The following SSBP2 variants were observed in gnomAD, a reference collection of about 807,000 sequenced individuals.
The protein encoded by SSBP2 is single stranded DNA binding protein 2.
A neutral mutation model predicts 61.8 loss-of-function variants in SSBP2; 17 were observed. The observed-to-expected ratio is 0.28, with a 90% CI of 0.19 to 0.41. The LOEUF (loss-of-function observed/expected upper bound fraction) is 0.41. Ranked by LOEUF, SSBP2 falls within the 10% of genes least tolerant of loss-of-function variation. The pLI is 1.00. For missense variants in SSBP2, 310 were observed against 458.7 expected (o/e 0.68, Z 2.96); for synonymous variants, 139 against 141.3 (o/e 0.98, Z 0.12).
At chr5:81,710,594 T>G (rs1253162864) in intron 1 of SSBP2, 2 of 423,808 alleles carry the variant, frequency 4.7e-6, no homozygotes, top group Admixed American at 2.7e-5. Context: ...GGACTTCAAC[T>G]GAAAACAACT....
chr5:81,464,207 AG>A (rs1561431553), intron 9 of SSBP2, among the ~76,000 whole-genome samples: 1 of 152,210 alleles, frequency 6.6e-6, no homozygotes, highest in Admixed American at 6.5e-5. Flanking sequence ...ATTGCTTAAT[AG>A]TAATGTATAC....
intron 1 of SSBP2, among the ~76,000 whole-genome samples, chr5:81,741,654 T>C (rs1383341532): frequency 6.6e-6 from 1 of 152,154 alleles, no homozygotes; most frequent in Non-Finnish European, 1.5e-5. Flanking sequence ...GGCAAAGGAA[T>C]AGAGAAGAGT....
intron 4 of SSBP2, among the ~76,000 whole-genome samples, chr5:81,564,838 A>G (rs530918235): frequency 6.6e-6 from 1 of 152,310 alleles, no homozygotes; most frequent in South Asian, 2.1e-4. Context: ...AACACCAAAC[A>G]TCACCTTACC....
At chr5:81,550,727 C>T (rs1772109823) in intron 4 of SSBP2, among the ~76,000 whole-genome samples, 1 of 152,174 alleles carries the variant, frequency 6.6e-6, no homozygotes, top group Admixed American at 6.5e-5. Flanking sequence ...TCTATGGAAT[C>T]ATAGATAAGA....
chr5:81,565,050 C>T (rs566634212), intron 4 of SSBP2, among the ~76,000 whole-genome samples: 5 of 152,294 alleles, frequency 3.3e-5, no homozygotes, highest in South Asian at 4.1e-4. Flanking sequence ...TAAAGCATTA[C>T]GCATAGTCTT....
chr5:81,475,900 G>GTA (rs1765554526), intron 6 of SSBP2, among the ~76,000 whole-genome samples: 1 of 151,944 alleles, frequency 6.6e-6, no homozygotes, highest in African/African-American at 2.4e-5. Context: ...AATTGTGTGT[G>GTA]TATACACATA....
chr5:81,520,291 C>T (rs933351588), intron 4 of SSBP2, among the ~76,000 whole-genome samples: 6 of 152,118 alleles, frequency 3.9e-5, no homozygotes, highest in African/African-American at 1.4e-4. Flanking sequence ...GGTCTATTTT[C>T]CCCTTTTTAA....
At chr5:81,686,576 G>T (rs1261605945) in intron 1 of SSBP2, among the ~76,000 whole-genome samples, 1 of 151,794 alleles carries the variant, frequency 6.6e-6, no homozygotes, top group Non-Finnish European at 1.5e-5. Context: ...ACAAAATGGG[G>T]CCGGGCACGG....
intron 1 of SSBP2, among the ~76,000 whole-genome samples, chr5:81,678,991 A>C (rs1479102816): frequency 6.6e-6 from 1 of 152,100 alleles, no homozygotes; most frequent in Non-Finnish European, 1.5e-5. Context: ...TGAATAAGTA[A>C]AGGTAAAATA....
At chr5:81,601,249 C>T (rs1158833367) in intron 4 of SSBP2, among the ~76,000 whole-genome samples, 1 of 152,074 alleles carries the variant, frequency 6.6e-6, no homozygotes, top group Non-Finnish European at 1.5e-5. Context: ...CTACGTGTAT[C>T]TACATTTATA....
At position 81,605,805 on chromosome 5, in the gene SSBP2, G is replaced by A. The variant is rs965379527; in HGVS notation, c.282+9668C>T. On this transcript the variant is annotated intron_variant, in intron 4 of 16. Coordinates refer to ENST00000320672, the MANE Select transcript of SSBP2 (RefSeq NM_012446.5). ...CACTGGGATAGTACTCACTATAGACGCAGAGCTTGTTTTTTCCCCTGAATG... is the reference window on the plus strand; with the variant it reads ...CACTGGGATAGTACTCACTATAGACACAGAGCTTGTTTTTTCCCCTGAATG... 1.1e-4 allele frequency among the ~76,000 whole-genome samples: 17 copies of A among 152,256 alleles called. 1 individual carries two copies. The highest frequency in any genetic ancestry group is 8.3e-4 in the South Asian group (4 of 4,816).
intron 9 of SSBP2, among the ~76,000 whole-genome samples, chr5:81,463,568 C>A (rs1054586673): frequency 6.6e-6 from 1 of 151,942 alleles, no homozygotes; most frequent in South Asian, 2.1e-4. Flanking sequence ...GGCGTGGTGG[C>A]GCATGCCTGT....
At chr5:81,680,341 T>C (rs1003593209) in intron 1 of SSBP2, among the ~76,000 whole-genome samples, 38 of 148,060 alleles carry the variant, frequency 2.6e-4, no homozygotes, top group Non-Finnish European at 1.9e-4. Flanking sequence ...TAATTTATTA[T>C]ATATAACTTA....
chr5:81,685,019 C>T (rs546600903), intron 1 of SSBP2, among the ~76,000 whole-genome samples: 74 of 152,166 alleles, frequency 4.9e-4, no homozygotes, highest in Admixed American at 9.8e-4. Context: ...CCCCCTTGTT[C>T]TTCTTGTGAT....
intron 5 of SSBP2, among the ~76,000 whole-genome samples, chr5:81,510,675 C>T (rs556490000): frequency 5.9e-5 from 9 of 152,044 alleles, no homozygotes; most frequent in Non-Finnish European, 7.4e-5. Context: ...GCAGGAGACT[C>T]GCTTGAACCC....
chr5:81,679,376 A>G (rs549610930), intron 1 of SSBP2, among the ~76,000 whole-genome samples: 2 of 152,334 alleles, frequency 1.3e-5, no homozygotes, highest in African/African-American at 4.8e-5. Flanking sequence ...AATGTATTTG[A>G]TTATGTATGC....
intron 3 of SSBP2, among the ~76,000 whole-genome samples, chr5:81,630,530 A>G (rs1747601604): frequency 6.6e-6 from 1 of 152,222 alleles, no homozygotes; most frequent in African/African-American, 2.4e-5. Flanking sequence ...AATATAAAAC[A>G]TTAAAAAACT....
chr5:81,654,778 C>A (rs1411865150), intron 1 of SSBP2, among the ~76,000 whole-genome samples: 1 of 152,112 alleles, frequency 6.6e-6, no homozygotes, highest in African/African-American at 2.4e-5. Flanking sequence ...CATTGTCCAT[C>A]CATGCAGGTA....
intron 5 of SSBP2, among the ~76,000 whole-genome samples, chr5:81,507,531 A>G (rs1768271463): frequency 6.6e-6 from 1 of 152,158 alleles, no homozygotes. Context: ...TAACAGGTAT[A>G]TCCCAGATTA....
Sources: allele counts gnomAD v4.1 joint callset (sites outside exome capture counted in the v4.1 genomes callset), GRCh38; gene constraint gnomAD v4.1.1; transcripts MANE v1.5; gene names NCBI Gene and HGNC (gene_info 2026-07-23, HGNC 2026-07-21).